The following REV3L variants were observed in gnomAD, a reference collection of about 807,000 sequenced individuals.
REV3L encodes the protein DNA polymerase zeta catalytic subunit.
REV3L carries 69 observed loss-of-function variants against 299.4 expected under a neutral mutation model. The observed-to-expected ratio is 0.23, with a 90% confidence interval of 0.19 to 0.28. REV3L has a LOEUF of 0.28. Among genes scored for constraint, REV3L ranks in the 10% least tolerant of loss-of-function variants. REV3L has a pLI of 1.00. For missense variants in REV3L, 3,128 were observed against 3,693.8 expected (o/e 0.85, Z 3.97); for synonymous variants, 1,238 against 1,271.4 (o/e 0.97, Z 0.56).
At chr6:111,468,080 G>A (rs1437267116) in intron 1 of REV3L, among the ~76,000 whole-genome samples, 2 of 152,060 alleles carry the variant, frequency 1.3e-5, no homozygotes, top group African/African-American at 2.4e-5. Flanking sequence ...CGGTCAAAAC[G>A]ACTGATGTCA....
intron 1 of REV3L, among the ~76,000 whole-genome samples, chr6:111,442,214 TCTAC>T (rs1407891316): frequency 6.6e-6 from 1 of 152,244 alleles, no homozygotes; most frequent in Non-Finnish European, 1.5e-5. Flanking sequence ...TTACTGATTT[TCTAC>T]CCACTTGTTT....
intron 11 of REV3L, among the ~76,000 whole-genome samples, chr6:111,379,542 G>A (rs1032955636): frequency 2.6e-5 from 4 of 152,158 alleles, no homozygotes; most frequent in Non-Finnish European, 5.9e-5. Flanking sequence ...TTGCTTCTTA[G>A]TCTTTTATTT....
intron 31 of REV3L, among the ~76,000 whole-genome samples, chr6:111,306,463 A>G (rs908790719): frequency 2.0e-5 from 3 of 152,170 alleles, no homozygotes; most frequent in Non-Finnish European, 4.4e-5. Context: ...TAATGATTTT[A>G]TTGGGGGGTG....
intron 19 of REV3L, among the ~76,000 whole-genome samples, chr6:111,350,240 A>G (rs1013865461): frequency 5.3e-5 from 8 of 152,190 alleles, no homozygotes; most frequent in Non-Finnish European, 8.8e-5. Flanking sequence ...GAAAACTAGT[A>G]TTCTAAACTA....
At chr6:111,472,002 A>G in intron 1 of REV3L, 1 of 1,191,362 alleles carries the variant, frequency 8.4e-7, no homozygotes, top group Non-Finnish European at 1.1e-6. Flanking sequence ...TAACCAAAAT[A>G]AATTACTTAC....
intron 2 of REV3L, chr6:111,412,114 T>C (rs1784310657): frequency 1.0e-6 from 1 of 985,244 alleles, no homozygotes; most frequent in African/African-American, 1.7e-5. Context: ...ACAATGTACC[T>C]ATTATATGTA....
intron 5 of REV3L, 184 bp downstream of exon 5, chr6:111,392,692 T>G: frequency 2.2e-6 from 1 of 464,710 alleles, no homozygotes; most frequent in Non-Finnish European, 3.9e-6. Context: ...TACATTTTCA[T>G]GGTTTGTTTT....
intron 26 of REV3L, among the ~76,000 whole-genome samples, chr6:111,318,734 C>G (rs893626910): frequency 5.3e-5 from 8 of 151,892 alleles, no homozygotes; most frequent in Non-Finnish European, 1.0e-4. Flanking sequence ...CCACGCCCGG[C>G]TAATTTTGTA....
intron 1 of REV3L, among the ~76,000 whole-genome samples, chr6:111,422,623 T>C (rs1582930675): frequency 3.3e-5 from 1 of 30,624 alleles, no homozygotes; most frequent in East Asian, 4.5e-4. Flanking sequence ...CACATATATA[T>C]ATATATACAC....
In REV3L at chr6:111,303,698, TGA is replaced by T. The variant is rs1562475959; in HGVS notation, c.9253-3544_9253-3543del. 1.2e-3 allele frequency among the ~76,000 whole-genome samples: 48 copies of T among 40,748 alleles called. 13 individuals carry two copies. The highest frequency in any genetic ancestry group is 3.1e-3 in the South Asian group (2 of 652). 26.7% of individuals were successfully genotyped at this position (40,748 alleles called of 152,430 possible). ...TTTTTTTTTTTTTTTTAACAGACTA[TGA>T]CTTTTTTTTTTTTTTTTTTTTTTTT... On this transcript the variant is annotated intron_variant, in intron 31 of 31. Coordinates refer to ENST00000368802, the MANE Select transcript of REV3L (RefSeq NM_001372078.1).
At chr6:111,333,852 T>TA (rs1775645211) in intron 22 of REV3L, among the ~76,000 whole-genome samples, 1 of 152,242 alleles carries the variant, frequency 6.6e-6, no homozygotes, top group Non-Finnish European at 1.5e-5. Flanking sequence ...CCTACGACTT[T>TA]TATAAAAACT....
intron 3 of REV3L, among the ~76,000 whole-genome samples, chr6:111,410,364 T>C (rs1177241278): frequency 6.6e-6 from 1 of 152,226 alleles, no homozygotes; most frequent in Non-Finnish European, 1.5e-5. Flanking sequence ...AAAAAATTGA[T>C]TGTATTTATA....
At chr6:111,465,754 A>AAAAC (rs1791395889) in intron 1 of REV3L, among the ~76,000 whole-genome samples, 1 of 150,810 alleles carries the variant, frequency 6.6e-6, no homozygotes, top group South Asian at 2.1e-4. Context: ...CCAAAAAAAA[A>AAAAC]AAAAAAAAAA....
chr6:111,422,375 AAT>A lies in REV3L; in HGVS notation c.140-5905_140-5904del, dbSNP rs570318928. Among the ~76,000 whole-genome samples the A allele has an allele frequency of 2.3e-3, 350 of 151,760 alleles. 2 individuals are homozygous for A. Among genetic ancestry groups the A allele is most frequent in the African/African-American group, 8.2e-3 (339 of 41,460 alleles). ...ACACCCTACAACCCTCAAAACCTAA[AAT>A]ATGTGCTTTCTTGTTCTTTATAGAA... On this transcript the variant is annotated intron_variant, in intron 1 of 31. Transcript: ENST00000368802.
At chr6:111,414,829 T>G (rs1217304220) in intron 2 of REV3L, among the ~76,000 whole-genome samples, 1 of 152,118 alleles carries the variant, frequency 6.6e-6, no homozygotes, top group African/African-American at 2.4e-5. Flanking sequence ...TAACTCAACC[T>G]TCAGAATAGA....
At chr6:111,365,190 TAAC>T (rs777641851) in intron 15 of REV3L, 72 bp downstream of exon 15, 233 of 965,352 alleles carry the variant, frequency 2.4e-4, no homozygotes, top group Non-Finnish European at 3.4e-4. Context: ...GAGACAAAGT[TAAC>T]AATTATCTAA....
At chr6:111,458,922 G>T (rs1352445706) in intron 1 of REV3L, among the ~76,000 whole-genome samples, 1 of 151,574 alleles carries the variant, frequency 6.6e-6, no homozygotes, top group Non-Finnish European at 1.5e-5. Context: ...CACAGAATCA[G>T]AAAAAACTAC....
In REV3L at chr6:111,422,671, TATATATAC is replaced by T. The variant is rs1785671396; in HGVS notation, c.140-6207_140-6200del. Among the ~76,000 whole-genome samples the T allele has an allele frequency of 1.6e-4, 8 of 48,676 alleles. 1 individual carries two copies. Among genetic ancestry groups the T allele is most frequent in the Admixed American group, 5.3e-4 (2 of 3,776 alleles). The allele number at this position is 48,676 out of a possible 152,430, so 31.9% of individuals were successfully genotyped here. A position where few individuals can be genotyped will look rare whatever the true frequency, so the allele number is the denominator to read the frequency against. ...ATACATATATATATATACATATATA[TATATATAC>T]GTATATATATATATATATATATTTC... On this transcript the variant is annotated intron_variant, in intron 1 of 31. Coordinates refer to ENST00000368802, the MANE Select transcript of REV3L (RefSeq NM_001372078.1).
chr6:111,364,719 C>T (rs1779036006), intron 15 of REV3L, among the ~76,000 whole-genome samples: 1 of 151,902 alleles, frequency 6.6e-6, no homozygotes, highest in South Asian at 2.1e-4. Context: ...GGATGTATGT[C>T]TAATGTATAC....
Sources: gnomAD v4.1 joint callset for allele counts (sites outside exome capture counted in the v4.1 genomes callset) on GRCh38, gnomAD v4.1.1 for gene constraint, MANE v1.5 for transcripts, NCBI Gene and HGNC (gene_info 2026-07-23, HGNC 2026-07-21) for gene names.